Variants in DTL observed in about 807,000 individuals in gnomAD.
The protein encoded by DTL is denticleless protein homolog.
In DTL, 46 loss-of-function variants were observed where a neutral mutation model predicts 87.0. The ratio of observed to expected loss-of-function variants is 0.53; its 90% CI spans 0.42 to 0.68. The LOEUF (loss-of-function observed/expected upper bound fraction) is 0.68. Among genes scored for constraint, DTL ranks in the 30% least tolerant of loss-of-function variants. The probability of loss-of-function intolerance (pLI) is 0.00; values close to 1 mark genes in which losing one functional copy is unlikely to be tolerated. For missense variants in DTL, 737 were observed against 869.4 expected (o/e 0.85, Z 1.91); for synonymous variants, 308 against 311.2 (o/e 0.99, Z 0.11).
chr1:212,060,988 G>T (rs1487149886), intron 5 of DTL, among the ~76,000 whole-genome samples: 1 of 152,000 alleles, frequency 6.6e-6, no homozygotes. Context: ...ATCTGATAAG[G>T]GAATAATATG....
chr1:212,084,492 A>AT (rs1655074529), intron 13 of DTL, among the ~76,000 whole-genome samples: 1 of 151,740 alleles, frequency 6.6e-6, no homozygotes, highest in Admixed American at 6.6e-5. Context: ...AGCCCTAAAA[A>AT]TTTTTTTTCA....
chr1:212,051,946 T>G (rs1571946830), intron 5 of DTL: 1 of 973,168 alleles, frequency 1.0e-6, no homozygotes, highest in African/African-American at 1.6e-5. Flanking sequence ...ACTCCATGTT[T>G]TCTAAAAGGC....
At chr1:212,069,695 G>A (rs866048533) in intron 10 of DTL, among the ~76,000 whole-genome samples, 53 of 152,018 alleles carry the variant, frequency 3.5e-4, no homozygotes, top group African/African-American at 1.1e-3. Flanking sequence ...ACAGGCGCCC[G>A]CCACCATGCC....
intron 5 of DTL, among the ~76,000 whole-genome samples, chr1:212,049,723 G>A (rs1050930605): frequency 6.6e-6 from 1 of 152,168 alleles, no homozygotes; most frequent in African/African-American, 2.4e-5. Flanking sequence ...GCAAACCTTT[G>A]CAACTAAACA....
intron 9 of DTL, 128 bp from the exon 10 acceptor site, chr1:212,068,471 G>T: frequency 1.2e-6 from 1 of 850,870 alleles, no homozygotes. Context: ...TTTTTGGTTT[G>T]TGTATATTTT....
At position 212,100,472 on chromosome 1, in the gene DTL, T is replaced by G; in HGVS notation, c.1482T>G (p.Pro494=). Residue 494 remains proline (P), a synonymous_variant, in exon 14 of 15, where the codon CCT becomes CCG. Coordinates refer to ENST00000366991, the MANE Select transcript of DTL (RefSeq NM_016448.4). ...GSVSSVSPKP[P]SSFKMSIRNW... ...TCTCCTCCGTCTCTCCCAAGCCACC[T>G]TCATCTTTCAAGATGTCGATTAGAA... 1 of 1,614,000 alleles carries G rather than the reference T, an allele frequency of 6.2e-7. No individual in the cohort carries two copies. Among genetic ancestry groups the G allele is most frequent in the Non-Finnish European group, 8.5e-7 (1 of 1,179,992 alleles).
chr1:212,045,419 C>T (rs189408850), intron 3 of DTL, among the ~76,000 whole-genome samples: 96 of 152,268 alleles, frequency 6.3e-4, no homozygotes, highest in Non-Finnish European at 1.2e-3. Context: ...ATCTTTAACA[C>T]TTAATGTGAT....
intron 6 of DTL, among the ~76,000 whole-genome samples, chr1:212,064,611 A>G (rs1467203130): frequency 2.6e-5 from 4 of 152,160 alleles, no homozygotes; most frequent in Non-Finnish European, 4.4e-5. Context: ...TTATGGCTTT[A>G]TCAAGCTCAT....
Position 212,062,878 on chromosome 1 carries a change from C to T in DTL, c.461-6C>T, listed in dbSNP as rs764180884. ...ACCTCTTAATAATCTGTTTATTTCC[C>T]CACAGCTGTATTCTGTACGGGTGGA... On this transcript the variant is annotated splice_polypyrimidine_tract_variant and splice_region_variant and intron_variant, in intron 5 of 14. Coordinates refer to ENST00000366991, the MANE Select transcript of DTL (RefSeq NM_016448.4). 7 of 1,612,050 alleles carry T rather than the reference C, an allele frequency of 4.3e-6. No homozygotes were observed. The highest frequency in any genetic ancestry group is 5.9e-6 in the Non-Finnish European group (7 of 1,178,324).
rs140527721 is a variant in DTL at position 212,055,271 on chromosome 1, A to G, written c.461-7613A>G. On this transcript the variant is annotated intron_variant, in intron 5 of 14. Coordinates refer to ENST00000366991, the MANE Select transcript of DTL (RefSeq NM_016448.4). The stretch of plus-strand genomic sequence containing the variant: ...TAAGTGGGAGACCCCCAGCAGCCCA[A>G]ATACCCACTGTGAACCCTAATAATA... Among the ~76,000 whole-genome samples, 12 of 151,632 alleles carry G rather than the reference A, an allele frequency of 7.9e-5. No individual in the cohort carries two copies. The East Asian group carries it at 1.9e-3, about 24-fold the overall frequency.
chr1:212,083,754 A>G (rs75909763), intron 13 of DTL, among the ~76,000 whole-genome samples: 1,688 of 152,320 alleles, frequency 0.011, 31 homozygotes, highest in African/African-American at 0.038. Flanking sequence ...TCTTCAAGCA[A>G]TGAGCCACCC....
At chr1:212,074,593 C>G (rs1654774793) in intron 11 of DTL, among the ~76,000 whole-genome samples, 1 of 152,104 alleles carries the variant, frequency 6.6e-6, no homozygotes. Flanking sequence ...TCCTGGCAAG[C>G]TTGCACCTCC....
At chr1:212,051,475 T>TTA in intron 5 of DTL, 1 of 324,546 alleles carries the variant, frequency 3.1e-6, no homozygotes, top group South Asian at 3.6e-5. Flanking sequence ...TTTTTTTTTT[T>TTA]TTTTTTTTTT....
At chr1:212,085,475 C>T (rs1655106084) in intron 13 of DTL, among the ~76,000 whole-genome samples, 1 of 152,260 alleles carries the variant, frequency 6.6e-6, no homozygotes, top group Middle Eastern at 3.4e-3. Flanking sequence ...AGATCTTCTG[C>T]CCATATTCTA....
chr1:212,037,599 C>A (rs183772633), intron 1 of DTL, among the ~76,000 whole-genome samples: 2 of 152,314 alleles, frequency 1.3e-5, no homozygotes, highest in African/African-American at 4.8e-5. Flanking sequence ...ATATTTTGGT[C>A]ACACAAACAC....
At chr1:212,052,091 A>C in intron 5 of DTL, 1 of 761,918 alleles carries the variant, frequency 1.3e-6, no homozygotes, top group South Asian at 1.4e-5. Flanking sequence ...TTTTCCTTTC[A>C]TTGCTAAAGT....
At position 212,078,276 on chromosome 1, in the gene DTL, T is replaced by C; in HGVS notation, c.1125+14T>C. 8.7e-6 allele frequency: 13 copies of C among 1,501,394 alleles called. No individual in the cohort carries two copies. Among genetic ancestry groups the C allele is most frequent in the Non-Finnish European group, 1.2e-5 (13 of 1,078,744 alleles). The allele number at this position is 1,501,394 out of a possible 1,614,324, so 93.0% of individuals were successfully genotyped here. On this transcript the variant is annotated intron_variant, in intron 12 of 14. Transcript: ENST00000366991. ...GACTTCACAAAGGTTTGTAAATGAA[T>C]CTCTATAGTTGGTTTAAAATGTAGA...
chr1:212,075,804 A>G (rs955375610), intron 11 of DTL, among the ~76,000 whole-genome samples: 8 of 152,172 alleles, frequency 5.3e-5, no homozygotes, highest in African/African-American at 1.2e-4. Context: ...TGTTGTACCA[A>G]CATCACCACT....
intron 12 of DTL, among the ~76,000 whole-genome samples, chr1:212,078,472 G>A (rs961347892): frequency 8.6e-5 from 13 of 151,992 alleles, no homozygotes; most frequent in African/African-American, 2.2e-4. Flanking sequence ...TGTGAAATAA[G>A]GATAGATTTC....
Sources: allele counts gnomAD v4.1 joint callset (sites outside exome capture counted in the v4.1 genomes callset), GRCh38; gene constraint gnomAD v4.1.1; transcripts MANE v1.5; gene names NCBI Gene and HGNC (gene_info 2026-07-23, HGNC 2026-07-21).